MTERF4: variants seen among roughly 807,000 people sequenced by gnomAD.
The protein encoded by MTERF4 is mitochondrial transcription termination factor 4, also known as transcription termination factor 4, mitochondrial.
MTERF4 carries 17 observed loss-of-function variants against 22.5 expected under a neutral mutation model. The observed-to-expected ratio is 0.75, with a 90% CI of 0.52 to 1.13. MTERF4 has a LOEUF of 1.13. Among genes scored for constraint, MTERF4 ranks in the 50% most tolerant of loss-of-function variants. The pLI, the probability that MTERF4 is intolerant of heterozygous loss-of-function variation, is 0.00. For synonymous variants in MTERF4, 165 were observed against 175.3 expected (o/e 0.94, Z 0.47); for missense variants, 420 against 466.8 (o/e 0.90, Z 0.92).
chr2:241,095,855 A>T lies in MTERF4; in HGVS notation c.*143T>A. The T allele has an allele frequency of 6.9e-7, 1 of 1,442,286 alleles. No homozygotes were observed. The highest frequency in any genetic ancestry group is 9.3e-7 in the Non-Finnish European group (1 of 1,077,704). The allele number at this position is 1,442,286 out of a possible 1,614,324, so 89.3% of individuals were successfully genotyped here. ...GTTTGATCTGTCTGCCTCTCAGGTG[A>T]CTTATAATTTTTTTCATCAAGAGAC... On this transcript the variant is annotated 3_prime_UTR_variant, in exon 4 of 4. Transcript: ENST00000391980.
chr2:241,085,156 T>A (rs565376422), downstream of MTERF4, among the ~76,000 whole-genome samples: 2 of 152,308 alleles, frequency 1.3e-5, no homozygotes, highest in South Asian at 4.1e-4. Flanking sequence ...TTTAATTTTG[T>A]CAAACTTCGT....
the MTERF4 span, among the ~76,000 whole-genome samples, chr2:241,052,724 T>C: frequency 6.1e-3 from 324 of 52,744 alleles, 44 homozygotes; most frequent in South Asian, 0.092. Flanking sequence ...GTACATGGGA[T>C]ACCAGTGCCA....
At chr2:241,058,735 G>A in the MTERF4 span, among the ~76,000 whole-genome samples, 4 of 152,190 alleles carry the variant, frequency 2.6e-5, no homozygotes, top group Admixed American at 6.5e-5. Flanking sequence ...CACATCACAA[G>A]GTCAGGAGAT....
chr2:241,067,794 C>G (rs1313821525), downstream of MTERF4: 3 of 1,612,090 alleles, frequency 1.9e-6, no homozygotes, highest in Middle Eastern at 1.7e-4. Context: ...TTCGAGGTCA[C>G]CAATGTGACG....
At chr2:241,094,831 G>T (rs1442526384), downstream of MTERF4, 1 of 161,512 alleles carries the variant, frequency 6.2e-6, no homozygotes, top group Non-Finnish European at 1.4e-5. This position sits in a 1 kb window ranked among gnomAD's most constrained non-coding sequence, Gnocchi z 4.3. Flanking sequence ...TTGAATTTTG[G>T]TCCCATCATC....
At chr2:241,081,736 GC>G (rs1559309683) in intron 4 of MTERF4, 1 of 1,608,992 alleles carries the variant, frequency 6.2e-7, no homozygotes, top group Non-Finnish European at 8.5e-7. Flanking sequence ...TGTGCCGGGC[GC>G]AGACGCCCAC....
Position 241,073,487 on chromosome 2 carries a change from G to T in MTERF4, n.2675C>A, listed in dbSNP as rs988436887. On this transcript the variant is annotated non_coding_transcript_exon_variant, in exon 5 of 5. Transcript: ENST00000464344. The surrounding 1 kb of genome is among the most constrained non-coding windows in gnomAD (Gnocchi z 6.6). ...AGGAGGCACAGAGCCTACCTGAGGG[G>T]AGGCTGAGCACCAGGCACCCCGGTG... is the stretch of plus-strand genomic sequence containing the variant. The T allele has an allele frequency of 8.7e-6, 7 of 804,428 alleles. No homozygotes were observed. Among genetic ancestry groups the T allele is most frequent in the Admixed American group, 2.1e-5 (1 of 48,340 alleles). 49.8% of individuals were successfully genotyped at this position (804,428 alleles called of 1,614,324 possible).
intron 1 of MTERF4, chr2:241,101,363 A>G: frequency 3.1e-6 from 1 of 324,012 alleles, no homozygotes; most frequent in Non-Finnish European, 6.6e-6. Flanking sequence ...CAGGAGGCGG[A>G]GCTCAGGCGG....
downstream of MTERF4, among the ~76,000 whole-genome samples, chr2:241,084,611 C>CTG (rs1297329078): frequency 6.6e-6 from 1 of 152,202 alleles, no homozygotes; most frequent in Non-Finnish European, 1.5e-5. Flanking sequence ...TCCACATATG[C>CTG]TGTGAACTGC....
At chr2:241,068,004 G>C, downstream of MTERF4, 1 of 1,493,934 alleles carries the variant, frequency 6.7e-7, no homozygotes, top group Non-Finnish European at 9.2e-7. The surrounding 1 kb of genome is among the most constrained non-coding windows in gnomAD (Gnocchi z 5.3). Flanking sequence ...GGGGGCTCGG[G>C]GACACGGGGC....
chr2:241,063,066 C>A, the MTERF4 span, among the ~76,000 whole-genome samples: 1 of 152,222 alleles, frequency 6.6e-6, no homozygotes, highest in Non-Finnish European at 1.5e-5. Flanking sequence ...AAAGATTTTA[C>A]AAATATCCCT....
At position 241,073,059 on chromosome 2, in the gene MTERF4, C is replaced by T. The variant is rs748123396; in HGVS notation, n.3103G>A. On this transcript the variant is annotated non_coding_transcript_exon_variant, in exon 5 of 5. Coordinates refer to the MTERF4 transcript ENST00000464344. This position sits in a 1 kb window ranked among gnomAD's most constrained non-coding sequence, Gnocchi z 6.6. ...GGGCCCTGCAAGGGGAAGGCCGAGC[C>T]CCTCCAGAGGGTCAGCAGGAGGGTG... 9 of 554,638 alleles carry T rather than the reference C, an allele frequency of 1.6e-5. No individual in the cohort carries two copies. The highest frequency in any genetic ancestry group is 2.9e-5 in the Non-Finnish European group (9 of 311,224). 34.4% of individuals were successfully genotyped at this position (554,638 alleles called of 1,614,324 possible). A position where few individuals can be genotyped will look rare whatever the true frequency, so the allele number is the denominator to read the frequency against.
chr2:241,049,871 C>T, the MTERF4 span: 1 of 1,613,870 alleles, frequency 6.2e-7, no homozygotes, highest in Non-Finnish European at 8.5e-7. Context: ...TCCTGCGATG[C>T]CCATGACGAC....
intron 1 of MTERF4, 197 bp from the exon 2 acceptor site, chr2:241,100,091 C>A: frequency 1.7e-6 from 1 of 602,190 alleles, no homozygotes; most frequent in Non-Finnish European, 2.8e-6. Context: ...TTCAAGGCCA[C>A]AGAGATGGGA....
chr2:241,051,807 G>C, the MTERF4 span: 8 of 1,562,408 alleles, frequency 5.1e-6, no homozygotes, highest in South Asian at 8.3e-5. This position sits in a 1 kb window ranked among gnomAD's most constrained non-coding sequence, Gnocchi z 4.7. Context: ...GAGGCGGGCG[G>C]CGAGTACCAC....
At chr2:241,072,689 G>C (rs2062792392) in exon 5 of MTERF4, 1 of 202,502 alleles carries the variant, frequency 4.9e-6, no homozygotes, top group Admixed American at 5.3e-5. Flanking sequence ...GGTGTCTGAG[G>C]AGAGGGCAGG....
intron 4 of MTERF4, chr2:241,081,860 G>A: frequency 8.1e-7 from 1 of 1,239,378 alleles, no homozygotes; most frequent in Non-Finnish European, 1.2e-6. Context: ...AGGACTGCTG[G>A]GCCACAGCTG....
chr2:241,061,859 A>G, the MTERF4 span, among the ~76,000 whole-genome samples: 6 of 151,806 alleles, frequency 4.0e-5, no homozygotes, highest in Admixed American at 1.3e-4. Flanking sequence ...CCCCCCAAAA[A>G]AAAAAAAAGA....
At chr2:241,071,082 G>A (rs944396328), downstream of MTERF4, among the ~76,000 whole-genome samples, 3 of 152,206 alleles carry the variant, frequency 2.0e-5, no homozygotes, top group Non-Finnish European at 2.9e-5. Flanking sequence ...AGAGGGAGAG[G>A]GAAGGGGAAG....
Sources: allele counts gnomAD v4.1 joint callset (sites outside exome capture counted in the v4.1 genomes callset), GRCh38; gene constraint gnomAD v4.1.1; non-coding constraint Gnocchi (gnomAD v3.1); transcripts MANE v1.5; gene names NCBI Gene and HGNC (gene_info 2026-07-23, HGNC 2026-07-21).